The following GMDS variants were observed in gnomAD, a reference collection of about 807,000 sequenced individuals.
The protein encoded by GMDS is GDP-mannose 4,6 dehydratase.
GMDS carries 20 observed loss-of-function variants against 49.9 expected under a neutral mutation model. That is an observed-to-expected ratio of 0.40 (90% CI 0.28 to 0.58). The LOEUF (loss-of-function observed/expected upper bound fraction) is 0.58. Ranked by LOEUF, GMDS falls within the 20% of genes least tolerant of loss-of-function variation. GMDS has a pLI of 0.42. For synonymous variants in GMDS, 177 were observed against 178.6 expected (o/e 0.99, Z 0.07); for missense variants, 362 against 481.4 (o/e 0.75, Z 2.32).
chr6:2,006,198 G>T (rs1236019785), intron 4 of GMDS, among the ~76,000 whole-genome samples: 1 of 151,720 alleles, frequency 6.6e-6, no homozygotes, highest in East Asian at 1.9e-4. Flanking sequence ...GAGGTGGGAG[G>T]ATCACTTGAC....
At chr6:2,172,419 G>T (rs1173564797) in intron 1 of GMDS, among the ~76,000 whole-genome samples, 2 of 152,138 alleles carry the variant, frequency 1.3e-5, no homozygotes, top group African/African-American at 4.8e-5. Context: ...ATGGCCGGGC[G>T]CAGTGGCTCA....
intron 1 of GMDS, among the ~76,000 whole-genome samples, chr6:2,189,022 G>A (rs1778900768): frequency 6.6e-6 from 1 of 152,188 alleles, no homozygotes; most frequent in Admixed American, 6.5e-5. Context: ...GTATCAGAAG[G>A]CTGCTCTAAG....
intron 4 of GMDS, among the ~76,000 whole-genome samples, chr6:2,056,529 T>C (rs137937288): frequency 3.9e-4 from 59 of 152,276 alleles, no homozygotes; most frequent in African/African-American, 1.3e-3. Context: ...ATGTGACATC[T>C]ATTATTTATT....
intron 4 of GMDS, among the ~76,000 whole-genome samples, chr6:2,014,873 T>G (rs6925820): frequency 9.9e-5 from 15 of 152,086 alleles, no homozygotes; most frequent in African/African-American, 3.6e-4. Context: ...AGTAAAGGGA[T>G]GGATAAGTGT....
intron 4 of GMDS, among the ~76,000 whole-genome samples, chr6:2,066,495 C>T (rs1266277357): frequency 6.6e-6 from 1 of 151,500 alleles, no homozygotes; most frequent in African/African-American, 2.4e-5. Context: ...GAGTCAAGAC[C>T]CATCAGTGTG....
At chr6:2,030,738 C>T (rs1006331094) in intron 4 of GMDS, among the ~76,000 whole-genome samples, 10 of 151,946 alleles carry the variant, frequency 6.6e-5, no homozygotes, top group Non-Finnish European at 8.8e-5. Flanking sequence ...CAAACAAGGC[C>T]GTGTGCGCTA....
intron 4 of GMDS, among the ~76,000 whole-genome samples, chr6:2,075,673 T>C (rs1287042667): frequency 6.6e-6 from 1 of 152,208 alleles, no homozygotes; most frequent in African/African-American, 2.4e-5. Context: ...ACATTTGGGT[T>C]GGTTCCAAGT....
At chr6:1,642,875 C>T (rs1040763375) in intron 9 of GMDS, among the ~76,000 whole-genome samples, 3 of 152,192 alleles carry the variant, frequency 2.0e-5, no homozygotes. Flanking sequence ...CACGAAGCCC[C>T]TTCCCTTTAC....
intron 7 of GMDS, among the ~76,000 whole-genome samples, chr6:1,871,525 C>T (rs943886410): frequency 6.6e-6 from 1 of 152,064 alleles, no homozygotes; most frequent in Non-Finnish European, 1.5e-5. Context: ...TTGAAAGCAA[C>T]CTTTGGTAAA....
chr6:1,983,671 G>A (rs889328810), intron 4 of GMDS, among the ~76,000 whole-genome samples: 1 of 152,122 alleles, frequency 6.6e-6, no homozygotes, highest in Non-Finnish European at 1.5e-5. Context: ...ACCACAATGA[G>A]ATACCATCTC....
At chr6:1,695,909 T>G (rs1404811681) in intron 9 of GMDS, among the ~76,000 whole-genome samples, 8 of 14,054 alleles carry the variant, frequency 5.7e-4, no homozygotes, top group African/African-American at 1.9e-3. Context: ...CTGTCTTGGT[T>G]TTTTTTTTTT....
intron 7 of GMDS, among the ~76,000 whole-genome samples, chr6:1,818,729 T>C (rs1345665409): frequency 6.6e-6 from 1 of 151,836 alleles, no homozygotes; most frequent in African/African-American, 2.4e-5. Flanking sequence ...CATATATATA[T>C]ACATATATAC....
intron 4 of GMDS, among the ~76,000 whole-genome samples, chr6:1,978,788 C>T (rs1333518367): frequency 6.6e-6 from 1 of 152,114 alleles, no homozygotes; most frequent in East Asian, 1.9e-4. Flanking sequence ...TGATCTTGTT[C>T]CTCCTGAGTG....
At chr6:2,007,351 A>G (rs1170737319) in intron 4 of GMDS, among the ~76,000 whole-genome samples, 1 of 152,124 alleles carries the variant, frequency 6.6e-6, no homozygotes. Context: ...CCATTCTTTC[A>G]CAATTCTAAG....
intron 1 of GMDS, among the ~76,000 whole-genome samples, chr6:2,203,204 G>C (rs928029987): frequency 6.6e-6 from 1 of 151,984 alleles, no homozygotes; most frequent in African/African-American, 2.4e-5. Flanking sequence ...GGGGTTGGGG[G>C]GTAGTTAACG....
chr6:1,843,109 C>CAAATCAAATA (rs1554125675), intron 7 of GMDS, among the ~76,000 whole-genome samples: 3 of 137,082 alleles, frequency 2.2e-5, no homozygotes, highest in East Asian at 2.1e-4. Flanking sequence ...GACCCTGCAT[C>CAAATCAAATA]AAATAAAATA....
chr6:1,735,871 A>C (rs1766986407), intron 8 of GMDS, among the ~76,000 whole-genome samples: 1 of 152,252 alleles, frequency 6.6e-6, no homozygotes, highest in Admixed American at 6.5e-5. Context: ...ACACCCAATT[A>C]GAGTCTATAT....
intron 9 of GMDS, among the ~76,000 whole-genome samples, chr6:1,660,011 C>T (rs867151608): frequency 2.0e-5 from 3 of 151,852 alleles, no homozygotes; most frequent in African/African-American, 2.4e-5. Context: ...TAGACTCCAA[C>T]GTCCAGTGAG....
chr6:1,846,428 A>T (rs1757416503), intron 7 of GMDS, among the ~76,000 whole-genome samples: 1 of 152,108 alleles, frequency 6.6e-6, no homozygotes, highest in Non-Finnish European at 1.5e-5. Flanking sequence ...TTCTCTCTAA[A>T]ATTCTCAATA....
Sources: gnomAD v4.1 joint callset for allele counts (sites outside exome capture counted in the v4.1 genomes callset) on GRCh38, gnomAD v4.1.1 for gene constraint, MANE v1.5 for transcripts, NCBI Gene and HGNC (gene_info 2026-07-23, HGNC 2026-07-21) for gene names.